Variants in FMN1 observed in about 807,000 individuals in gnomAD.
FMN1 encodes the protein formin 1.
Under a neutral mutation model 132.4 loss-of-function variants are expected in FMN1, and 110 were observed. The observed-to-expected ratio is 0.83, with a 90% CI of 0.71 to 0.97. The LOEUF is 0.97. FMN1 is among the 50% of genes least tolerant of loss of function. The pLI is 0.00. For missense variants in FMN1, 1,792 were observed against 1,705.3 expected, an observed-to-expected ratio of 1.05 and a Z score of -0.90; for synonymous variants, 722 against 651.7, an observed-to-expected ratio of 1.11 and a Z score of -1.64.
At chr15:32,886,206 G>C (rs2059892925) in intron 16 of FMN1, among the ~76,000 whole-genome samples, 1 of 152,110 alleles carries the variant, frequency 6.6e-6, no homozygotes. Context: ...GAAAACACTG[G>C]CATCTCTAAA....
In FMN1 at chr15:32,961,449, T is replaced by C. The variant is rs1426418351; in HGVS notation, c.3138+2658A>G. ...GTACCCGGCCTGTAATCCTTTTTTA[T>C]AGAGAAGGGAAAATACGACAAGGAA... On this transcript the variant is annotated intron_variant, in intron 9 of 20. Transcript: ENST00000616417. Among the ~76,000 whole-genome samples, 5 of 152,110 alleles carry C rather than the reference T, an allele frequency of 3.3e-5. No homozygotes were observed. The East Asian group carries it at 7.7e-4, about 23-fold the overall frequency.
In FMN1 at chr15:33,039,560, A is replaced by C. The variant is rs146213085; in HGVS notation, c.2161+25397T>G. Among the ~76,000 whole-genome samples, 192 of 152,320 alleles carry C rather than the reference A, an allele frequency of 1.3e-3. 1 individual carries two copies. Among genetic ancestry groups the C allele is most frequent in the African/African-American group, 4.5e-3 (186 of 41,570 alleles). On this transcript the variant is annotated intron_variant, in intron 6 of 20. Coordinates refer to ENST00000616417, the MANE Select transcript of FMN1 (RefSeq NM_001277313.2). Reference sequence around the variant, plus strand: ...GTATATTTTACCCAAGCACTGGATAAACTATAAAAATAATAAAGACTACTA... The same window carrying C: ...GTATATTTTACCCAAGCACTGGATACACTATAAAAATAATAAAGACTACTA...
chr15:32,961,751 A>G (rs1596350652), intron 9 of FMN1, among the ~76,000 whole-genome samples: 2 of 152,332 alleles, frequency 1.3e-5, no homozygotes, highest in Admixed American at 6.5e-5. Context: ...AGCAGATATC[A>G]TCTCAGGCTA....
At chr15:32,799,826 C>T (rs548282992) in intron 18 of FMN1, among the ~76,000 whole-genome samples, 1 of 152,336 alleles carries the variant, frequency 6.6e-6, no homozygotes, top group East Asian at 1.9e-4. Flanking sequence ...TCACCCCCAC[C>T]TACCCCAAGC....
intron 4 of FMN1, among the ~76,000 whole-genome samples, chr15:33,138,787 A>C (rs1963880593): frequency 1.3e-5 from 2 of 152,190 alleles, no homozygotes; most frequent in Non-Finnish European, 2.9e-5. Flanking sequence ...TGGTGGCCAT[A>C]GTAGTGGGAG....
intron 3 of FMN1, among the ~76,000 whole-genome samples, chr15:33,155,630 T>C (rs1964640580): frequency 6.6e-6 from 1 of 152,238 alleles, no homozygotes; most frequent in African/African-American, 2.4e-5. Context: ...AAAATTTAAA[T>C]AACTCAAGTC....
chr15:32,960,814 G>T (rs1049814112), intron 9 of FMN1, among the ~76,000 whole-genome samples: 1 of 151,776 alleles, frequency 6.6e-6, no homozygotes, highest in Admixed American at 6.6e-5. Flanking sequence ...TGGCCAACTT[G>T]GTGAAAACCT....
chr15:33,014,799 G>C (rs1362703342), intron 6 of FMN1, among the ~76,000 whole-genome samples: 2 of 152,156 alleles, frequency 1.3e-5, no homozygotes, highest in Non-Finnish European at 1.5e-5. Flanking sequence ...CAAAGTTTGT[G>C]CCCTCCAATT....
intron 17 of FMN1, among the ~76,000 whole-genome samples, chr15:32,815,614 A>C (rs1219084107): frequency 6.6e-6 from 1 of 152,226 alleles, no homozygotes; most frequent in African/African-American, 2.4e-5. Context: ...CAATAATAGG[A>C]GACTGAATAG....
chr15:33,056,790 G>A (rs1263206744), intron 6 of FMN1, among the ~76,000 whole-genome samples: 1 of 152,114 alleles, frequency 6.6e-6, no homozygotes, highest in Non-Finnish European at 1.5e-5. Flanking sequence ...ATGAACTACA[G>A]GTACATGTAG....
chr15:32,902,148 A>C, intron 12 of FMN1, 108 bp from the exon 13 acceptor site: 1 of 929,078 alleles, frequency 1.1e-6, no homozygotes, highest in Non-Finnish European at 1.6e-6. Context: ...AACAATCTCA[A>C]CAATTATAAA....
chr15:33,055,641 G>A (rs1376529684), intron 6 of FMN1, among the ~76,000 whole-genome samples: 1 of 151,222 alleles, frequency 6.6e-6, no homozygotes, highest in African/African-American at 2.4e-5. Flanking sequence ...TCAACGCCCA[G>A]AATATTGCAG....
intron 7 of FMN1, among the ~76,000 whole-genome samples, chr15:32,990,050 C>T (rs976762628): frequency 6.6e-6 from 1 of 152,128 alleles, no homozygotes; most frequent in Non-Finnish European, 1.5e-5. Context: ...TTTTTGGATG[C>T]TCTGGTTTTG....
At chr15:33,124,803 G>A (rs1377240270) in intron 4 of FMN1, among the ~76,000 whole-genome samples, 5 of 150,844 alleles carry the variant, frequency 3.3e-5, no homozygotes, top group African/African-American at 1.2e-4. Flanking sequence ...TTTTGCATGG[G>A]ATCAATTCAA....
intron 4 of FMN1, among the ~76,000 whole-genome samples, chr15:33,098,068 G>A (rs192233071): frequency 7.9e-4 from 120 of 152,262 alleles, no homozygotes; most frequent in African/African-American, 2.8e-3. Context: ...GGCTACAATG[G>A]AATTAAATTA....
At chr15:32,781,113 A>G (rs1308376808) in intron 19 of FMN1, among the ~76,000 whole-genome samples, 2 of 152,184 alleles carry the variant, frequency 1.3e-5, no homozygotes, top group Non-Finnish European at 2.9e-5. Context: ...TAATAGTTAT[A>G]ATTCTAGGTA....
At chr15:33,047,055 G>T (rs2036720282) in intron 6 of FMN1, among the ~76,000 whole-genome samples, 1 of 152,162 alleles carries the variant, frequency 6.6e-6, no homozygotes, top group Non-Finnish European at 1.5e-5. Context: ...ATGTCCTTGG[G>T]AACTTGATCT....
At chr15:32,832,219 CAT>C (rs932620839) in intron 17 of FMN1, among the ~76,000 whole-genome samples, 1 of 152,156 alleles carries the variant, frequency 6.6e-6, no homozygotes, top group African/African-American at 2.4e-5. Context: ...GCAGGGAAGA[CAT>C]ATGAAAAAAC....
intron 7 of FMN1, among the ~76,000 whole-genome samples, chr15:33,006,391 A>T (rs1018442938): frequency 6.6e-6 from 1 of 152,208 alleles, no homozygotes; most frequent in African/African-American, 2.4e-5. Context: ...AAGACAAAAG[A>T]TTACAAGTAT....
Sources: allele counts gnomAD v4.1 joint callset (sites outside exome capture counted in the v4.1 genomes callset), GRCh38; gene constraint gnomAD v4.1.1; transcripts MANE v1.5; gene names NCBI Gene and HGNC (gene_info 2026-07-23, HGNC 2026-07-21).